Variants in KIRREL3 observed in about 807,000 individuals in gnomAD.
KIRREL3 encodes kin of IRRE-like protein 3.
A neutral mutation model predicts 89.7 loss-of-function variants in KIRREL3; 36 were observed. The observed-to-expected ratio is 0.40, with a 90% CI of 0.31 to 0.53. The LOEUF (loss-of-function observed/expected upper bound fraction) is 0.53, where lower values mean the gene tolerates loss of function less well. Ranked by LOEUF, KIRREL3 falls within the 20% of genes least tolerant of loss-of-function variation. The pLI, the probability that KIRREL3 is intolerant of heterozygous loss-of-function variation, is 0.49. For missense variants in KIRREL3, 864 were observed against 1,056.6 expected (o/e 0.82, Z 2.53); for synonymous variants, 445 against 441.4 (o/e 1.01, Z -0.10).
At chr11:126,851,077 T>C (rs1341674935) in intron 1 of KIRREL3, among the ~76,000 whole-genome samples, 1 of 152,208 alleles carries the variant, frequency 6.6e-6, no homozygotes, top group Non-Finnish European at 1.5e-5. Flanking sequence ...CCTTGAACTG[T>C]CCCTGGTGGG....
chr11:126,870,554 T>G lies in KIRREL3; in HGVS notation c.55+129901A>C, dbSNP rs1676447238. Reference sequence around the variant, plus strand: ...ATGCAGCTTCCTGGCCCGGCTCCCATAGTGGCCCCTCCTGGCTCCACCATA... The same window carrying G: ...ATGCAGCTTCCTGGCCCGGCTCCCAGAGTGGCCCCTCCTGGCTCCACCATA... On this transcript the variant is annotated intron_variant, in intron 1 of 16. Coordinates refer to ENST00000525144, the MANE Select transcript of KIRREL3 (RefSeq NM_032531.4). The surrounding 1 kb of genome is among the most constrained non-coding windows in gnomAD (Gnocchi z 4.4). 6.6e-6 allele frequency among the ~76,000 whole-genome samples: 1 copy of G among 152,162 alleles called. No homozygotes were observed. Among genetic ancestry groups the G allele is most frequent in the South Asian group, 2.1e-4 (1 of 4,820 alleles).
rs553885959 is a variant in KIRREL3 at position 126,893,561 on chromosome 11, A to C, written c.55+106894T>G. On this transcript the variant is annotated intron_variant, in intron 1 of 16. Transcript: ENST00000525144. ...CGGAAACATTGAACCGGCCACCTGA[A>C]GGTCTAGAAGTTTTAGACTGTGGAA... Among the ~76,000 whole-genome samples, 12 of 152,304 alleles carry C rather than the reference A, an allele frequency of 7.9e-5. No individual in the cohort carries two copies. In the East Asian group the frequency reaches 2.3e-3, roughly 29 times the overall value.
At position 126,480,826 on chromosome 11, in the gene KIRREL3, G is replaced by A. The variant is rs574766254; in HGVS notation, c.434-7360C>T. 1.7e-3 allele frequency among the ~76,000 whole-genome samples: 266 copies of A among 152,368 alleles called. 1 individual carries two copies. Among genetic ancestry groups the A allele is most frequent in the Non-Finnish European group, 3.1e-3 (209 of 68,046 alleles). On this transcript the variant is annotated intron_variant, in intron 4 of 16. Transcript: ENST00000525144. The stretch of plus-strand genomic sequence containing the variant: ...ACGAATGTTGTTTGTAGTCCGCCCA[G>A]CTCTTTGCTGCCTTTTGTGGTTTTG...
At chr11:126,988,909 AT>A (rs147139426) in intron 1 of KIRREL3, among the ~76,000 whole-genome samples, 13 of 151,538 alleles carry the variant, frequency 8.6e-5, no homozygotes, top group African/African-American at 3.1e-4. Flanking sequence ...ACAGGTTTTG[AT>A]TTTTTTTTCT....
At position 126,537,709 on chromosome 11, in the gene KIRREL3, T is replaced by C. The variant is rs769227235; in HGVS notation, c.134-11022A>G. Among the ~76,000 whole-genome samples the C allele has an allele frequency of 6.6e-6, 1 of 152,196 alleles. No individual in the cohort carries two copies. The highest frequency in any genetic ancestry group is 1.5e-5 in the Non-Finnish European group (1 of 68,030). ...CACCCTTTCTGAGCTTCAGTTTCCC[T>C]ATCTGAAAAATGGGGATGACACGCC... On this transcript the variant is annotated intron_variant, in intron 2 of 16. Coordinates refer to ENST00000525144, the MANE Select transcript of KIRREL3 (RefSeq NM_032531.4). This position sits in a 1 kb window ranked among gnomAD's most constrained non-coding sequence, Gnocchi z 4.3.
At position 126,977,461 on chromosome 11, in the gene KIRREL3, A is replaced by G. The variant is rs1949610974; in HGVS notation, c.55+22994T>C. ...GATCCTCCAGGATCAGGGTCTGGCC[A>G]TGCCCAGTGTCCTGTTTTTATTATG... On this transcript the variant is annotated intron_variant, in intron 1 of 16. Coordinates refer to ENST00000525144, the MANE Select transcript of KIRREL3 (RefSeq NM_032531.4). The surrounding 1 kb of genome is among the most constrained non-coding windows in gnomAD (Gnocchi z 4.7). Among the ~76,000 whole-genome samples, 1 of 152,170 alleles carries G rather than the reference A, an allele frequency of 6.6e-6. No individual in the cohort carries two copies. The highest frequency in any genetic ancestry group is 2.1e-4 in the South Asian group (1 of 4,824).
At position 126,541,914 on chromosome 11, in the gene KIRREL3, T is replaced by A. The variant is rs867037449; in HGVS notation, c.134-15227A>T. On this transcript the variant is annotated intron_variant, in intron 2 of 16. Coordinates refer to ENST00000525144, the MANE Select transcript of KIRREL3 (RefSeq NM_032531.4). The surrounding 1 kb of genome is among the most constrained non-coding windows in gnomAD (Gnocchi z 4.8). ...CTTTTGAAAGTTCATGCAACCCTTT[T>A]TGTCAGTGAAGTCTCACAGGGAATC... Among the ~76,000 whole-genome samples, 5 of 152,198 alleles carry A rather than the reference T, an allele frequency of 3.3e-5. No individual in the cohort carries two copies. The highest frequency in any genetic ancestry group is 9.7e-5 in the African/African-American group (4 of 41,442).
rs79259523 is a variant in KIRREL3 at position 126,755,175 on chromosome 11, T to G, written c.56-192263A>C. ...AGAAAATTAGTAGTAAGTCAATAAG[T>G]CTGTGGCCCAAAGGTAGGGCATTAA... On this transcript the variant is annotated intron_variant, in intron 1 of 16. Transcript: ENST00000525144. The surrounding 1 kb of genome is among the most constrained non-coding windows in gnomAD (Gnocchi z 4.3). Among the ~76,000 whole-genome samples, 1 of 152,158 alleles carries G rather than the reference T, an allele frequency of 6.6e-6. No individual in the cohort carries two copies. The highest frequency in any genetic ancestry group is 1.5e-5 in the Non-Finnish European group (1 of 68,032).
At chr11:126,951,625 G>A (rs1049797299) in intron 1 of KIRREL3, among the ~76,000 whole-genome samples, 108 of 152,350 alleles carry the variant, frequency 7.1e-4, no homozygotes, top group African/African-American at 2.5e-3. Context: ...AGGCCCCAAT[G>A]AGAAATGCAT....
Position 126,904,225 on chromosome 11 carries a change from G to A in KIRREL3, c.55+96230C>T, listed in dbSNP as rs1001225382. 3.9e-5 allele frequency among the ~76,000 whole-genome samples: 6 copies of A among 152,148 alleles called. No individual in the cohort carries two copies. The highest frequency in any genetic ancestry group is 2.1e-4 in the South Asian group (1 of 4,824). ...GGACTATTTTTATCATTTGGACACC[G>A]AACTTCAGATGAGATATTCCAAGTT... On this transcript the variant is annotated intron_variant, in intron 1 of 16. Coordinates refer to ENST00000525144, the MANE Select transcript of KIRREL3 (RefSeq NM_032531.4). This position sits in a 1 kb window ranked among gnomAD's most constrained non-coding sequence, Gnocchi z 4.4.
intron 1 of KIRREL3, among the ~76,000 whole-genome samples, chr11:126,751,029 A>C (rs541206993): frequency 8.3e-4 from 127 of 152,354 alleles, no homozygotes; most frequent in Admixed American, 1.4e-3. Context: ...TTTGGACAGG[A>C]AAATCAATTT....
chr11:126,704,504 G>C lies in KIRREL3; in HGVS notation c.56-141592C>G, dbSNP rs373620048. ...GTCTGAGAGACCTTGGTGGAGTGCAGCTTCAGCATTTGGGGCCACAGCTCT... is the reference window on the plus strand; with the variant it reads ...GTCTGAGAGACCTTGGTGGAGTGCACCTTCAGCATTTGGGGCCACAGCTCT... On this transcript the variant is annotated intron_variant, in intron 1 of 16. Coordinates refer to ENST00000525144, the MANE Select transcript of KIRREL3 (RefSeq NM_032531.4). The surrounding 1 kb of genome is among the most constrained non-coding windows in gnomAD (Gnocchi z 4.2). Among the ~76,000 whole-genome samples, 1 of 152,234 alleles carries C rather than the reference G, an allele frequency of 6.6e-6. No homozygotes were observed. Among genetic ancestry groups the C allele is most frequent in the South Asian group, 2.1e-4 (1 of 4,830 alleles).
chr11:126,780,563 G>A lies in KIRREL3; in HGVS notation c.56-217651C>T, dbSNP rs550984616. 2.0e-5 allele frequency among the ~76,000 whole-genome samples: 3 copies of A among 152,106 alleles called. No individual in the cohort carries two copies. The highest frequency in any genetic ancestry group is 4.2e-4 in the South Asian group (2 of 4,806). On this transcript the variant is annotated intron_variant, in intron 1 of 16. Coordinates refer to ENST00000525144, the MANE Select transcript of KIRREL3 (RefSeq NM_032531.4). The surrounding 1 kb of genome is among the most constrained non-coding windows in gnomAD (Gnocchi z 5.3). The stretch of plus-strand genomic sequence containing the variant: ...TTTCTCATCAGTATATATCTTCCCC[G>A]AGCAGCCTCTTGACAGAACATCAAG...
In KIRREL3 at chr11:126,443,236, C is replaced by A. The variant is rs1955655245; in HGVS notation, c.1252+1743G>T. On this transcript the variant is annotated intron_variant, in intron 10 of 16. Coordinates refer to ENST00000525144, the MANE Select transcript of KIRREL3 (RefSeq NM_032531.4). This position sits in a 1 kb window ranked among gnomAD's most constrained non-coding sequence, Gnocchi z 7.3. Reference sequence around the variant, plus strand: ...CCGGGCTGGCTGGTCATAGGGCCAGCAGAGCAGAGCCGGCTGCAGGCACAG... The same window carrying A: ...CCGGGCTGGCTGGTCATAGGGCCAGAAGAGCAGAGCCGGCTGCAGGCACAG... Among the ~76,000 whole-genome samples, 1 of 152,144 alleles carries A rather than the reference C, an allele frequency of 6.6e-6. No homozygotes were observed. The highest frequency in any genetic ancestry group is 2.4e-5 in the African/African-American group (1 of 41,428).
At chr11:126,824,257 A>C (rs1351850462) in intron 1 of KIRREL3, among the ~76,000 whole-genome samples, 1 of 152,210 alleles carries the variant, frequency 6.6e-6, no homozygotes, top group Non-Finnish European at 1.5e-5. Context: ...TGATGTCTGC[A>C]TATGCAAATG....
intron 1 of KIRREL3, among the ~76,000 whole-genome samples, chr11:126,584,920 CT>C (rs56653553): frequency 3.2e-4 from 47 of 147,920 alleles, no homozygotes; most frequent in African/African-American, 5.2e-4. Context: ...CTTTGCTTTT[CT>C]TTTTTTTTTT....
chr11:126,804,019 G>A (rs1565745581), intron 1 of KIRREL3, among the ~76,000 whole-genome samples: 2 of 152,206 alleles, frequency 1.3e-5, no homozygotes, highest in East Asian at 1.9e-4. Context: ...GTGTCTATGT[G>A]TGCATATATG....
At chr11:126,599,465 C>T (rs1942548183) in intron 1 of KIRREL3, among the ~76,000 whole-genome samples, 1 of 152,148 alleles carries the variant, frequency 6.6e-6, no homozygotes, top group Non-Finnish European at 1.5e-5. Context: ...CTGTTTACTC[C>T]TCTAGCTCCC....
At chr11:126,919,448 C>G (rs1471375476) in intron 1 of KIRREL3, among the ~76,000 whole-genome samples, 1 of 152,174 alleles carries the variant, frequency 6.6e-6, no homozygotes, top group Non-Finnish European at 1.5e-5. Context: ...TACTTTAAAC[C>G]TTGGTAGTTC....
Sources: allele counts gnomAD v4.1 joint callset (sites outside exome capture counted in the v4.1 genomes callset), GRCh38; gene constraint gnomAD v4.1.1; non-coding constraint Gnocchi (gnomAD v3.1); transcripts MANE v1.5; gene names NCBI Gene and HGNC (gene_info 2026-07-23, HGNC 2026-07-21).